Variants in GREB1L observed in about 807,000 individuals in gnomAD.
GREB1L encodes the protein GREB1 like retinoic acid receptor coactivator.
GREB1L carries 17 observed loss-of-function variants against 200.8 expected under a neutral mutation model. That is an observed-to-expected ratio of 0.08 (90% CI 0.06 to 0.13). The LOEUF is 0.13. Ranked by LOEUF, GREB1L falls within the 10% of genes least tolerant of loss-of-function variation. The pLI, the probability that GREB1L is intolerant of heterozygous loss-of-function variation, is 1.00. For synonymous variants in GREB1L, 789 were observed against 893.0 expected, an observed-to-expected ratio of 0.88 and a Z score of 2.08; for missense variants, 1,657 against 2,367.7, an observed-to-expected ratio of 0.70 and a Z score of 6.23.
At chr18:21,387,042 G>A (rs538092234) in intron 4 of GREB1L, among the ~76,000 whole-genome samples, 26 of 152,270 alleles carry the variant, frequency 1.7e-4, no homozygotes, top group African/African-American at 6.0e-4. Flanking sequence ...AACACCTGAT[G>A]GGCTGCTGGG....
At chr18:21,269,846 CG>C (rs2038050941) in intron 1 of GREB1L, among the ~76,000 whole-genome samples, 1 of 151,838 alleles carries the variant, frequency 6.6e-6, no homozygotes. Context: ...TGATTTATAC[CG>C]GGCATCTCTA....
rs1246189793 is a variant in GREB1L, at chr18:21,452,493, A to G, written c.1984+276A>G. ...TTTTTTCTCTGAAAGATTCCAGGACATTGGCTCATTTTCCTTAGCTCCACC... is the reference window on the plus strand; with the variant it reads ...TTTTTTCTCTGAAAGATTCCAGGACGTTGGCTCATTTTCCTTAGCTCCACC... On this transcript the variant is annotated intron_variant, in intron 14 of 32. Transcript: ENST00000424526. The G allele has an allele frequency of 1.5e-5, 5 of 334,782 alleles. No homozygotes were observed. In the Admixed American group the frequency reaches 2.3e-4, roughly 15 times the overall value. The allele number at this position is 334,782 out of a possible 1,614,324, so 20.7% of individuals were successfully genotyped here. A position where few individuals can be genotyped will look rare whatever the true frequency, so the allele number is the denominator to read the frequency against.
intron 6 of GREB1L, 105 bp from the exon 7 acceptor site, chr18:21,403,767 T>C: frequency 1.1e-6 from 1 of 935,692 alleles, no homozygotes; most frequent in Non-Finnish European, 1.6e-6. Context: ...GGCTGCCGCT[T>C]AAGGAGCAGC....
intron 18 of GREB1L, among the ~76,000 whole-genome samples, chr18:21,486,087 G>A (rs1223394259): frequency 6.6e-6 from 1 of 152,228 alleles, no homozygotes; most frequent in Non-Finnish European, 1.5e-5. Context: ...GGGCGCGGTG[G>A]CCCACGCCTG....
intron 1 of GREB1L, among the ~76,000 whole-genome samples, chr18:21,276,220 G>A (rs1470789961): frequency 5.3e-5 from 8 of 152,110 alleles, no homozygotes; most frequent in Admixed American, 2.0e-4. Flanking sequence ...CTTCTTCTGC[G>A]ACACCACCTC....
intron 2 of GREB1L, among the ~76,000 whole-genome samples, chr18:21,379,236 C>T (rs1478467303): frequency 1.3e-5 from 2 of 151,940 alleles, no homozygotes; most frequent in Non-Finnish European, 2.9e-5. Flanking sequence ...AAAGGAGTTT[C>T]GCTCTTGTTG....
intron 1 of GREB1L, among the ~76,000 whole-genome samples, chr18:21,248,390 C>T (rs1253923723): frequency 6.6e-6 from 1 of 152,136 alleles, no homozygotes; most frequent in Non-Finnish European, 1.5e-5. Flanking sequence ...AAAGAAAACA[C>T]ATGGACCTAA....
intron 1 of GREB1L, among the ~76,000 whole-genome samples, chr18:21,289,537 T>TCC (rs143828172): frequency 2.7e-5 from 4 of 150,052 alleles, no homozygotes; most frequent in African/African-American, 7.4e-5. Flanking sequence ...AGTGAGACCA[T>TCC]CCCCCCCCGC....
chr18:21,402,714 G>T (rs1206513904), intron 6 of GREB1L, among the ~76,000 whole-genome samples: 7 of 151,750 alleles, frequency 4.6e-5, no homozygotes, highest in Admixed American at 3.3e-4. Flanking sequence ...GTAGGGACAG[G>T]GTTTCGCCAT....
chr18:21,263,384 A>G (rs568946740), intron 1 of GREB1L, among the ~76,000 whole-genome samples: 2 of 152,316 alleles, frequency 1.3e-5, no homozygotes, highest in South Asian at 4.1e-4. Flanking sequence ...TGCTGAGATT[A>G]CAGAAAAATT....
In GREB1L at chr18:21,505,591, C is replaced by T. The variant is rs745338718; in HGVS notation, c.4228+24C>T. ...AGGTCAGTGCAATCAGCCAAGTTCA[C>T]CTCCTCTCTGGGTTAAGGGGACACT... On this transcript the variant is annotated intron_variant, in intron 24 of 32. Transcript: ENST00000424526. The T allele has an allele frequency of 9.0e-6, 14 of 1,550,092 alleles. No homozygotes were observed. The Admixed American group carries it at 1.4e-4, about 15-fold the overall frequency.
intron 2 of GREB1L, among the ~76,000 whole-genome samples, chr18:21,381,191 G>T (rs1598726425): frequency 6.6e-6 from 1 of 152,222 alleles, no homozygotes; most frequent in Admixed American, 6.5e-5. Context: ...GCAGTGAGCC[G>T]AGATAGTGCC....
At chr18:21,473,952 C>T (rs1309359723) in intron 16 of GREB1L, among the ~76,000 whole-genome samples, 2 of 152,122 alleles carry the variant, frequency 1.3e-5, no homozygotes, top group Admixed American at 6.6e-5. Context: ...CATCAGATCT[C>T]GTGAGACTTA....
rs1236059256 is a variant in GREB1L at position 21,306,026 on chromosome 18, C to G, written c.-119-60001C>G. Among the ~76,000 whole-genome samples the G allele has an allele frequency of 4.6e-5, 7 of 152,224 alleles. No individual in the cohort carries two copies. In the East Asian group the frequency reaches 1.4e-3, roughly 29 times the overall value. On this transcript the variant is annotated intron_variant, in intron 1 of 32. Transcript: ENST00000424526. ...CCTCCCTCCTGTGTTAATTTTTATC[C>G]CATTACCTTATTTTATTGTATTCCT...
intron 23 of GREB1L, among the ~76,000 whole-genome samples, chr18:21,502,292 A>G (rs1047057447): frequency 6.6e-6 from 1 of 151,932 alleles, no homozygotes; most frequent in African/African-American, 2.4e-5. Flanking sequence ...GTGGCTCAAA[A>G]CTGTGGCTTC....
chr18:21,426,181 T>C (rs546332417), intron 7 of GREB1L, among the ~76,000 whole-genome samples: 210 of 151,822 alleles, frequency 1.4e-3, no homozygotes, highest in African/African-American at 4.8e-3. Flanking sequence ...CTCAGCCTCC[T>C]GAGTAGCTGG....
At chr18:21,310,008 T>C (rs1272568935) in intron 1 of GREB1L, among the ~76,000 whole-genome samples, 2 of 152,172 alleles carry the variant, frequency 1.3e-5, no homozygotes. Context: ...GAACTTTCTG[T>C]GATGATAAAA....
At chr18:21,514,715 A>G (rs1167946578) in intron 28 of GREB1L, among the ~76,000 whole-genome samples, 4 of 152,190 alleles carry the variant, frequency 2.6e-5, no homozygotes, top group Non-Finnish European at 4.4e-5. Context: ...GGGATTACCA[A>G]GTGTGAGCCA....
At chr18:21,420,797 G>A (rs764499017) in intron 7 of GREB1L, among the ~76,000 whole-genome samples, 2 of 152,034 alleles carry the variant, frequency 1.3e-5, no homozygotes, top group African/African-American at 4.8e-5. Flanking sequence ...TTTACCAGAG[G>A]GGAAAGAAAA....
Sources: gnomAD v4.1 joint callset for allele counts (sites outside exome capture counted in the v4.1 genomes callset) on GRCh38, gnomAD v4.1.1 for gene constraint, MANE v1.5 for transcripts, NCBI Gene and HGNC (gene_info 2026-07-23, HGNC 2026-07-21) for gene names.